MRTFA: variants seen among roughly 807,000 people sequenced by gnomAD.
MRTFA encodes the protein myocardin-related transcription factor A.
Under a neutral mutation model 83.5 loss-of-function variants are expected in MRTFA, and 20 were observed. The observed-to-expected ratio is 0.24, with a 90% CI of 0.17 to 0.35. The LOEUF (loss-of-function observed/expected upper bound fraction) is 0.35, where lower values mean the gene tolerates loss of function less well. MRTFA is among the 10% of genes least tolerant of loss of function. The pLI, the probability that MRTFA is intolerant of heterozygous loss-of-function variation, is 1.00. For missense variants in MRTFA, 1,200 were observed against 1,224.7 expected, an observed-to-expected ratio of 0.98 and a Z score of 0.30; for synonymous variants, 659 against 541.2, an observed-to-expected ratio of 1.22 and a Z score of -3.02.
chr22:40,420,233 G>A (rs546716603), intron 11 of MRTFA, among the ~76,000 whole-genome samples, 172 bp downstream of exon 11: 48 of 152,348 alleles, frequency 3.2e-4, no homozygotes, highest in African/African-American at 1.1e-3. Flanking sequence ...CAGCCTCAGA[G>A]CTGTGTCCAA....
At chr22:40,454,142 TG>T (rs1293364134) in intron 4 of MRTFA, among the ~76,000 whole-genome samples, 1 of 152,070 alleles carries the variant, frequency 6.6e-6, no homozygotes, top group South Asian at 2.1e-4. Context: ...TCCTTTTGGG[TG>T]GGGGTGTGAG....
chr22:40,596,932 A>T (rs2056200089), intron 1 of MRTFA, among the ~76,000 whole-genome samples: 1 of 151,822 alleles, frequency 6.6e-6, no homozygotes, highest in South Asian at 2.1e-4. Flanking sequence ...CCGAGATCAC[A>T]CCACTGCACT....
intron 7 of MRTFA, among the ~76,000 whole-genome samples, chr22:40,426,431 A>G (rs983664310): frequency 3.3e-5 from 5 of 152,082 alleles, no homozygotes; most frequent in African/African-American, 1.2e-4. Flanking sequence ...CCTTCTCCAC[A>G]GAACTATTGA....
At chr22:40,593,995 T>G (rs2056156266) in intron 2 of MRTFA, among the ~76,000 whole-genome samples, 1 of 152,240 alleles carries the variant, frequency 6.6e-6, no homozygotes, top group Admixed American at 6.5e-5. Flanking sequence ...GAAATAGTTT[T>G]GCAGAGCTGC....
chr22:40,441,829 T>C (rs867428081), intron 4 of MRTFA, among the ~76,000 whole-genome samples: 76 of 122,998 alleles, frequency 6.2e-4, no homozygotes, highest in African/African-American at 1.9e-3. Flanking sequence ...TATATATATA[T>C]ATACACACAC....
intron 3 of MRTFA, among the ~76,000 whole-genome samples, chr22:40,482,025 A>G (rs1602314296): frequency 6.6e-6 from 1 of 150,494 alleles, no homozygotes; most frequent in African/African-American, 2.5e-5. Flanking sequence ...GCACCACTGC[A>G]CTCCAGCCTG....
chr22:40,536,607 C>T (rs1354953226), intron 3 of MRTFA, among the ~76,000 whole-genome samples: 21 of 86,562 alleles, frequency 2.4e-4, no homozygotes, highest in Non-Finnish European at 3.2e-4. Context: ...GCTGCCCAGT[C>T]TGGAAAGTGA....
intron 1 of MRTFA, among the ~76,000 whole-genome samples, chr22:40,600,812 T>C (rs909356054): frequency 2.6e-5 from 4 of 152,052 alleles, no homozygotes; most frequent in African/African-American, 9.7e-5. Flanking sequence ...ACCCCGTCTC[T>C]TCTAAAGATA....
intron 1 of MRTFA, among the ~76,000 whole-genome samples, chr22:40,602,068 A>G (rs2056265536): frequency 6.6e-6 from 1 of 152,202 alleles, no homozygotes; most frequent in Admixed American, 6.5e-5. Flanking sequence ...GTCCCAAAAC[A>G]AGAGAATGGT....
chr22:40,602,408 C>T (rs531480520), intron 1 of MRTFA, among the ~76,000 whole-genome samples: 16 of 152,072 alleles, frequency 1.1e-4, no homozygotes, highest in Non-Finnish European at 1.8e-4. Flanking sequence ...CAAGAATGAA[C>T]TTGGGATCAC....
chr22:40,423,111 C>T (rs80199734), intron 9 of MRTFA, among the ~76,000 whole-genome samples: 8 of 152,352 alleles, frequency 5.3e-5, no homozygotes, highest in African/African-American at 1.2e-4. Flanking sequence ...TGGTAACCCC[C>T]GCCTCCTGCA....
At chr22:40,624,095 T>G (rs1305018501) in intron 1 of MRTFA, among the ~76,000 whole-genome samples, 2 of 151,460 alleles carry the variant, frequency 1.3e-5, no homozygotes, top group African/African-American at 4.9e-5. Flanking sequence ...TGGAGGAAGA[T>G]CCTGTGTCAA....
At chr22:40,584,730 CAAAAAAA>C (rs58633243) in intron 2 of MRTFA, among the ~76,000 whole-genome samples, 1 of 57,008 alleles carries the variant, frequency 1.8e-5, no homozygotes, top group African/African-American at 6.6e-5. Context: ...GACTCTGTCT[CAAAAAAA>C]AAAAAAAAAA....
rs17001909 is a variant in MRTFA, at chr22:40,439,190, T to C, written c.308-3636A>G. Among the ~76,000 whole-genome samples, 1,387 of 152,292 alleles carry C rather than the reference T, an allele frequency of 9.1e-3. 6 individuals carry two copies. The highest frequency in any genetic ancestry group is 0.015 in the Non-Finnish European group (1,035 of 68,016). On this transcript the variant is annotated intron_variant, in intron 4 of 14. Coordinates refer to ENST00000355630, the MANE Select transcript of MRTFA (RefSeq NM_020831.6). The stretch of plus-strand genomic sequence containing the variant: ...GTTCTTTCCACTCCTCTGTGTTGAT[T>C]TCTTAACTTCTTCAAAAGTTAGAGA...
chr22:40,464,329 A>AC (rs1210982561), intron 3 of MRTFA, among the ~76,000 whole-genome samples: 2 of 150,952 alleles, frequency 1.3e-5, no homozygotes, highest in Non-Finnish European at 3.0e-5. Flanking sequence ...AAAAAAAAAA[A>AC]AAACAACTAT....
At chr22:40,452,333 T>C (rs992552395) in intron 4 of MRTFA, among the ~76,000 whole-genome samples, 3 of 152,146 alleles carry the variant, frequency 2.0e-5, no homozygotes, top group Non-Finnish European at 4.4e-5. Flanking sequence ...AGGACTCCCC[T>C]TGGGCATGTG....
chr22:40,625,728 A>C lies in MRTFA; in HGVS notation c.-84+10750T>G, dbSNP rs76208976. On this transcript the variant is annotated intron_variant, in intron 1 of 14. Transcript: ENST00000355630. ...CCGGAGGCAGAGATTGCAGTGAGCCAAGATTGTGCCACTACACTCCAGCCT... is the reference window on the plus strand; with the variant it reads ...CCGGAGGCAGAGATTGCAGTGAGCCCAGATTGTGCCACTACACTCCAGCCT... 9.5e-3 allele frequency among the ~76,000 whole-genome samples: 1,447 copies of C among 152,226 alleles called. 167 individuals carry two copies. The East Asian group carries it at 0.24, about 26-fold the overall frequency.
intron 3 of MRTFA, among the ~76,000 whole-genome samples, chr22:40,464,078 G>A (rs948661800): frequency 4.0e-5 from 6 of 151,798 alleles, no homozygotes; most frequent in African/African-American, 9.7e-5. Flanking sequence ...CGAGGCGGGC[G>A]GATCACAAGG....
intron 1 of MRTFA, among the ~76,000 whole-genome samples, chr22:40,626,975 T>C (rs1307666612): frequency 6.6e-6 from 1 of 151,816 alleles, no homozygotes; most frequent in Non-Finnish European, 1.5e-5. Context: ...TCTAAAATAT[T>C]AGGAAAGGAC....
Sources: allele counts gnomAD v4.1 joint callset (sites outside exome capture counted in the v4.1 genomes callset), GRCh38; gene constraint gnomAD v4.1.1; transcripts MANE v1.5; gene names NCBI Gene and HGNC (gene_info 2026-07-23, HGNC 2026-07-21).